Variants in GUCY1A2 observed in about 807,000 individuals in gnomAD.
GUCY1A2 encodes the protein guanylate cyclase soluble subunit alpha-2.
GUCY1A2 carries 27 observed loss-of-function variants against 63.5 expected under a neutral mutation model. The observed-to-expected ratio is 0.43, with a 90% CI of 0.31 to 0.59. The LOEUF is 0.59. Ranked by LOEUF, GUCY1A2 falls within the 20% of genes least tolerant of loss-of-function variation. The pLI, the probability that GUCY1A2 is intolerant of heterozygous loss-of-function variation, is 0.11. For missense variants in GUCY1A2, 768 were observed against 913.3 expected (o/e 0.84, Z 2.05); for synonymous variants, 364 against 343.5 (o/e 1.06, Z -0.66).
In GUCY1A2 at chr11:106,824,781, C is replaced by A. The variant is rs532728822; in HGVS notation, c.1207-14303G>T. 14 of 1,556,848 alleles carry A rather than the reference C, an allele frequency of 9.0e-6. No individual in the cohort carries two copies. In the East Asian group the frequency reaches 3.2e-4, roughly 36 times the overall value. Reference sequence around the variant, plus strand: ...AGCTGGATTTTTACCAAGGTGCTTGCTTTGTTATTTTTTTTTTTTGTAGGC... The same window carrying A: ...AGCTGGATTTTTACCAAGGTGCTTGATTTGTTATTTTTTTTTTTTGTAGGC... On this transcript the variant is annotated intron_variant, in intron 4 of 7. Coordinates refer to ENST00000526355, the MANE Select transcript of GUCY1A2 (RefSeq NM_000855.3).
chr11:106,776,226 A>G (rs1018445997), intron 6 of GUCY1A2, among the ~76,000 whole-genome samples: 11 of 152,050 alleles, frequency 7.2e-5, no homozygotes, highest in Non-Finnish European at 1.3e-4. Context: ...CCTCCACAGT[A>G]ATTTGCCTTC....
chr11:106,772,309 T>C (rs1288884492), intron 6 of GUCY1A2, among the ~76,000 whole-genome samples: 2 of 152,140 alleles, frequency 1.3e-5, no homozygotes, highest in African/African-American at 4.8e-5. Flanking sequence ...GTAATTTAAA[T>C]CACCTAAAAA....
chr11:106,688,796 C>T (rs1025718401), intron 7 of GUCY1A2, among the ~76,000 whole-genome samples: 5 of 152,014 alleles, frequency 3.3e-5, no homozygotes, highest in Admixed American at 2.6e-4. Flanking sequence ...TATTTAAAGG[C>T]ATATACAGTT....
At chr11:106,771,758 A>G (rs1746543016) in intron 6 of GUCY1A2, among the ~76,000 whole-genome samples, 2 of 81,678 alleles carry the variant, frequency 2.4e-5, no homozygotes, top group African/African-American at 3.4e-5. Flanking sequence ...TGTCTTGAGG[A>G]AAAAAAACAA....
chr11:106,692,116 C>G (rs1238651031), intron 7 of GUCY1A2, among the ~76,000 whole-genome samples: 1 of 152,076 alleles, frequency 6.6e-6, no homozygotes, highest in Non-Finnish European at 1.5e-5. Flanking sequence ...TTATTAAGTC[C>G]AAGTCCCTGG....
At chr11:106,736,307 C>T (rs752950385) in intron 6 of GUCY1A2, among the ~76,000 whole-genome samples, 2 of 151,986 alleles carry the variant, frequency 1.3e-5, no homozygotes, top group African/African-American at 2.4e-5. Flanking sequence ...ATTTGATGTG[C>T]CTATGGTGAG....
chr11:106,778,915 T>A (rs1345874178), intron 5 of GUCY1A2, among the ~76,000 whole-genome samples: 1 of 146,262 alleles, frequency 6.8e-6, no homozygotes, highest in South Asian at 2.1e-4. Flanking sequence ...TATGCGTCAG[T>A]GATGGAGATG....
At chr11:106,844,601 C>T (rs906495675) in intron 4 of GUCY1A2, among the ~76,000 whole-genome samples, 1 of 151,752 alleles carries the variant, frequency 6.6e-6, no homozygotes, top group African/African-American at 2.4e-5. Flanking sequence ...TCTTGTGTCT[C>T]ACAATCAATA....
intron 1 of GUCY1A2, among the ~76,000 whole-genome samples, chr11:107,001,308 T>C (rs747003831): frequency 6.6e-5 from 10 of 152,234 alleles, no homozygotes; most frequent in Non-Finnish European, 1.5e-4. Flanking sequence ...TAAAATACTA[T>C]TGAATTTCTT....
intron 6 of GUCY1A2, among the ~76,000 whole-genome samples, chr11:106,764,969 T>C (rs1307929303): frequency 3.5e-5 from 1 of 28,872 alleles, no homozygotes; most frequent in African/African-American, 1.9e-4. Context: ...GCAGATTTTT[T>C]TGGGGGGGGG....
intron 5 of GUCY1A2, among the ~76,000 whole-genome samples, chr11:106,802,921 C>T (rs1446150126): frequency 1.3e-5 from 2 of 152,042 alleles, no homozygotes; most frequent in Non-Finnish European, 2.9e-5. Context: ...ATATTCAGTT[C>T]ATACTGTTTG....
chr11:106,810,196 T>C lies in GUCY1A2; in HGVS notation c.1489A>G (p.Ile497Val), dbSNP rs1858745207. The C allele has an allele frequency of 6.2e-7, 1 of 1,613,820 alleles. No homozygotes were observed. Among genetic ancestry groups the C allele is most frequent in the African/African-American group, 1.3e-5 (1 of 75,044 alleles). ...KKKTVDLLYS[I>V]FPGDVAQQLW... Reference sequence around the variant, plus strand: ...TGCTGGGCTACATCACCAGGGAAAATAGAATATAGAAGATCCACTGTCTTC... The same window carrying C: ...TGCTGGGCTACATCACCAGGGAAAACAGAATATAGAAGATCCACTGTCTTC... The change falls in exon 5 of 8, where the codon ATT becomes GTT. Residue 497 changes from isoleucine to valine, a missense_variant. Physicochemically the swap from Ile to Val is conservative, Grantham distance 29. Around this residue, in one of 3 missense-constraint regions of GUCY1A2, gnomAD observed 122 missense variants for 238.1 expected, o/e 0.51. Coordinates refer to ENST00000526355, the MANE Select transcript of GUCY1A2 (RefSeq NM_000855.3).
intron 4 of GUCY1A2, among the ~76,000 whole-genome samples, chr11:106,931,276 A>G (rs1370578201): frequency 3.9e-5 from 6 of 152,242 alleles, no homozygotes; most frequent in Non-Finnish European, 1.5e-5. Flanking sequence ...TACCATCTTT[A>G]GTCATCAGGG....
At position 106,785,251 on chromosome 11, in the gene GUCY1A2, G is replaced by T. The variant is rs1044929358; in HGVS notation, c.1693-8669C>A. 3.3e-5 allele frequency among the ~76,000 whole-genome samples: 5 copies of T among 152,208 alleles called. No individual in the cohort carries two copies. In the East Asian group the frequency reaches 9.7e-4, roughly 29 times the overall value. ...ACTTTTAAAGGAGAAGATGCAAAGA[G>T]AAAAACCGTTTCCACTTCACTGAGT... On this transcript the variant is annotated intron_variant, in intron 5 of 7. Coordinates refer to ENST00000526355, the MANE Select transcript of GUCY1A2 (RefSeq NM_000855.3).
chr11:106,958,525 C>T (rs1205255845), intron 3 of GUCY1A2, among the ~76,000 whole-genome samples: 5 of 151,938 alleles, frequency 3.3e-5, no homozygotes, highest in Non-Finnish European at 5.9e-5. Context: ...AAATAGTTCT[C>T]ATGTTCTCCT....
chr11:106,933,960 G>T (rs77477190), intron 4 of GUCY1A2, among the ~76,000 whole-genome samples: 3,324 of 152,210 alleles, frequency 0.022, 110 homozygotes, highest in African/African-American at 0.074. Context: ...GGATGGGAAA[G>T]GGGGGACAAG....
rs1371115551 is a variant in GUCY1A2, at chr11:106,682,225, T to C, written c.*5324A>G. On this transcript the variant is annotated 3_prime_UTR_variant, in exon 8 of 8. Transcript: ENST00000526355. ...AAAATTTGTGAAAGAAATAATGGTA[T>C]GAGGCCTAGAGTATTTAACTTTTCA... 1 of 213,394 alleles carries C rather than the reference T, an allele frequency of 4.7e-6. No homozygotes were observed. Among genetic ancestry groups the C allele is most frequent in the Non-Finnish European group, 9.4e-6 (1 of 105,870 alleles). 13.2% of individuals were successfully genotyped at this position (213,394 alleles called of 1,614,324 possible).
intron 3 of GUCY1A2, among the ~76,000 whole-genome samples, chr11:106,953,273 G>GAGAT (rs1438448536): frequency 6.6e-6 from 1 of 152,170 alleles, no homozygotes; most frequent in Non-Finnish European, 1.5e-5. Flanking sequence ...TGAATCTGTT[G>GAGAT]AGATAATCAT....
chr11:106,788,812 G>A (rs1253781978), intron 5 of GUCY1A2, among the ~76,000 whole-genome samples: 3 of 152,154 alleles, frequency 2.0e-5, no homozygotes, highest in Non-Finnish European at 4.4e-5. Context: ...TAGCTCTGTA[G>A]TATAATTTGA....
Sources: gnomAD v4.1 joint callset for allele counts (sites outside exome capture counted in the v4.1 genomes callset) on GRCh38, gnomAD v4.1.1 for gene constraint, gnomAD v4.1.1 regional missense constraint, MANE v1.5 for transcripts, NCBI Gene and HGNC (gene_info 2026-07-23, HGNC 2026-07-21) for gene names.